EFHD1: variants seen among roughly 807,000 people sequenced by gnomAD.
EFHD1 encodes EF-hand domain family member D1.
EFHD1 carries 10 observed loss-of-function variants against 17.2 expected under a neutral mutation model. The observed-to-expected ratio is 0.58, with a 90% CI of 0.36 to 0.99. The LOEUF (loss-of-function observed/expected upper bound fraction) is 0.99. Among genes scored for constraint, EFHD1 ranks in the 50% least tolerant of loss-of-function variants. The pLI is 0.01. For synonymous variants in EFHD1, 153 were observed against 142.0 expected (o/e 1.08, Z -0.55); for missense variants, 310 against 327.5 (o/e 0.95, Z 0.41).
chr2:232,654,810 G>GGAGGCT (rs1694730105), intron 1 of EFHD1, among the ~76,000 whole-genome samples: 1 of 152,162 alleles, frequency 6.6e-6, no homozygotes, highest in Non-Finnish European at 1.5e-5. Flanking sequence ...TGTGTCTGCG[G>GGAGGCT]GAGGCTGCGC....
intron 1 of EFHD1, among the ~76,000 whole-genome samples, chr2:232,625,831 A>T (rs1574705037): frequency 6.6e-6 from 1 of 152,074 alleles, no homozygotes; most frequent in Non-Finnish European, 1.5e-5. Flanking sequence ...ATCAAACTAT[A>T]CCAGGAGTTA....
intron 1 of EFHD1, among the ~76,000 whole-genome samples, chr2:232,625,137 T>C (rs1252618290): frequency 6.6e-6 from 1 of 152,162 alleles, no homozygotes; most frequent in Non-Finnish European, 1.5e-5. Context: ...TATTTGTTTG[T>C]TTGTTTTTTG....
chr2:232,675,138 T>G (rs1574736075), intron 3 of EFHD1, among the ~76,000 whole-genome samples: 1 of 142,320 alleles, frequency 7.0e-6, no homozygotes, highest in Non-Finnish European at 1.5e-5. Flanking sequence ...ATCGTGTCAC[T>G]GCACTCCAGC....
intron 1 of EFHD1, chr2:232,638,435 T>G (rs957829492): frequency 2.1e-6 from 1 of 471,082 alleles, no homozygotes; most frequent in Non-Finnish European, 4.4e-6. Flanking sequence ...ATGGATGTCC[T>G]GCCAGTGCCA....
At chr2:232,648,564 A>G (rs1388884786) in intron 1 of EFHD1, among the ~76,000 whole-genome samples, 1 of 152,138 alleles carries the variant, frequency 6.6e-6, no homozygotes, top group Non-Finnish European at 1.5e-5. Context: ...AGGCTCATCT[A>G]GATAGGCACA....
intron 1 of EFHD1, among the ~76,000 whole-genome samples, chr2:232,617,485 T>TAA (rs34416890): frequency 4.7e-5 from 7 of 147,830 alleles, no homozygotes; most frequent in African/African-American, 7.5e-5. Flanking sequence ...CCGTCTTTAC[T>TAA]AAAAAAAAAT....
At chr2:232,637,201 C>T (rs1694334365) in intron 1 of EFHD1, among the ~76,000 whole-genome samples, 2 of 152,152 alleles carry the variant, frequency 1.3e-5, no homozygotes. Flanking sequence ...AGCGAAGACT[C>T]CTTCTGTGCC....
intron 3 of EFHD1, among the ~76,000 whole-genome samples, chr2:232,678,332 T>C (rs1695215010): frequency 6.6e-6 from 1 of 151,970 alleles, no homozygotes. Context: ...TTTAAGGAGA[T>C]AGATGTTAAA....
intron 1 of EFHD1, among the ~76,000 whole-genome samples, chr2:232,620,077 AT>A (rs549015358): frequency 0.023 from 3,287 of 141,368 alleles, 36 homozygotes; most frequent in Non-Finnish European, 0.033. Context: ...TAATGATGTC[AT>A]TTTTTTTTTT....
At chr2:232,658,694 A>C (rs1037933091) in intron 1 of EFHD1, among the ~76,000 whole-genome samples, 2 of 152,162 alleles carry the variant, frequency 1.3e-5, no homozygotes, top group African/African-American at 4.8e-5. Context: ...AAATGTCCAC[A>C]AGAGGCAAAT....
At chr2:232,649,137 C>T (rs1168165353) in intron 1 of EFHD1, among the ~76,000 whole-genome samples, 3 of 152,214 alleles carry the variant, frequency 2.0e-5, no homozygotes, top group South Asian at 2.1e-4. Flanking sequence ...GAATAAGTGA[C>T]TGACTCATGG....
chr2:232,663,461 T>C (rs1441584715), intron 2 of EFHD1, among the ~76,000 whole-genome samples: 1 of 151,916 alleles, frequency 6.6e-6, no homozygotes, highest in Non-Finnish European at 1.5e-5. Flanking sequence ...AACCTCCACC[T>C]CCTGAGTTCA....
chr2:232,641,894 A>G (rs1694438832), intron 1 of EFHD1, among the ~76,000 whole-genome samples: 1 of 152,150 alleles, frequency 6.6e-6, no homozygotes, highest in Admixed American at 6.5e-5. Context: ...AGGACCCCAG[A>G]GTTGCTTTTG....
chr2:232,607,430 A>AT (rs1693738272), intron 1 of EFHD1, among the ~76,000 whole-genome samples: 4 of 102,512 alleles, frequency 3.9e-5, no homozygotes, highest in African/African-American at 1.5e-4. Context: ...TCTCCTAAAA[A>AT]TTAAAAAAAA....
At chr2:232,611,028 C>T (rs1693807913) in intron 1 of EFHD1, among the ~76,000 whole-genome samples, 1 of 151,986 alleles carries the variant, frequency 6.6e-6, no homozygotes, top group African/African-American at 2.4e-5. Context: ...TTTATTTTTA[C>T]TTAGCCAGGC....
intron 1 of EFHD1, among the ~76,000 whole-genome samples, chr2:232,655,548 T>G (rs1462957009): frequency 6.6e-6 from 1 of 152,234 alleles, no homozygotes; most frequent in Non-Finnish European, 1.5e-5. Flanking sequence ...CCTGTTAACT[T>G]TGACTGGGAC....
intron 1 of EFHD1, among the ~76,000 whole-genome samples, chr2:232,628,472 A>G (rs1317024360): frequency 1.3e-5 from 2 of 152,228 alleles, no homozygotes; most frequent in East Asian, 1.9e-4. Flanking sequence ...ATCCAAAAAC[A>G]AGTGGGAGGG....
At chr2:232,614,199 C>T (rs1000907857) in intron 1 of EFHD1, among the ~76,000 whole-genome samples, 7 of 152,000 alleles carry the variant, frequency 4.6e-5, no homozygotes, top group South Asian at 2.1e-4. Flanking sequence ...CACACACACA[C>T]ATATATATTT....
intron 1 of EFHD1, among the ~76,000 whole-genome samples, chr2:232,644,531 G>C (rs1215096812): frequency 6.9e-6 from 1 of 145,840 alleles, no homozygotes; most frequent in Non-Finnish European, 1.5e-5. Flanking sequence ...TTTTATTTTT[G>C]AGACAGAGTC....
Sources: gnomAD v4.1 joint callset for allele counts (sites outside exome capture counted in the v4.1 genomes callset) on GRCh38, gnomAD v4.1.1 for gene constraint, MANE v1.5 for transcripts, NCBI Gene and HGNC (gene_info 2026-07-23, HGNC 2026-07-21) for gene names.